The following SMG1 variants were observed in gnomAD, a reference collection of about 807,000 sequenced individuals.
SMG1 encodes the protein SMG1 nonsense mediated mRNA decay associated PI3K related kinase, also known as serine/threonine-protein kinase SMG1.
Under a neutral mutation model 419.9 loss-of-function variants are expected in SMG1, and 22 were observed. The observed-to-expected ratio is 0.05, with a 90% CI of 0.04 to 0.07. SMG1 has a LOEUF of 0.07. Among genes scored for constraint, SMG1 ranks in the 10% least tolerant of loss-of-function variants. The pLI is 1.00. For missense variants in SMG1, 3,185 were observed against 4,342.0 expected (o/e 0.73, Z 7.49); for synonymous variants, 1,538 against 1,553.5 (o/e 0.99, Z 0.23).
intron 1 of SMG1, among the ~76,000 whole-genome samples, chr16:18,905,260 CAAAACAA>C (rs1033151053): frequency 1.3e-5 from 2 of 151,996 alleles, no homozygotes; most frequent in Non-Finnish European, 2.9e-5. Flanking sequence ...GACTCTGACT[CAAAACAA>C]AAAACAAAAA....
chr16:18,916,446 G>A (rs975422659), intron 1 of SMG1, among the ~76,000 whole-genome samples: 1 of 150,166 alleles, frequency 6.7e-6, no homozygotes, highest in East Asian at 2.0e-4. Context: ...ACCCCGGGGG[G>A]TGGAGCCTGC....
chr16:18,812,314 A>C (rs1055879296), intron 60 of SMG1, 187 bp from the exon 61 acceptor site: 18 of 563,024 alleles, frequency 3.2e-5, no homozygotes, highest in Non-Finnish European at 4.2e-5. Context: ...ACATTCAGGT[A>C]TGAATTTGTA....
chr16:18,840,555 C>G (rs2033857295), intron 41 of SMG1, among the ~76,000 whole-genome samples: 2 of 152,078 alleles, frequency 1.3e-5, no homozygotes, highest in African/African-American at 4.8e-5. Flanking sequence ...TCTCAATATC[C>G]TAAGAGCTTA....
intron 6 of SMG1, among the ~76,000 whole-genome samples, chr16:18,888,991 T>A (rs1456423765): frequency 4.0e-5 from 6 of 151,354 alleles, no homozygotes; most frequent in Non-Finnish European, 7.4e-5. Context: ...CCTGGCTAAT[T>A]TTTTTTGTAT....
chr16:18,901,954 A>AGGGG (rs1276541363), intron 1 of SMG1, among the ~76,000 whole-genome samples: 1 of 21,534 alleles, frequency 4.6e-5, no homozygotes, highest in Non-Finnish European at 9.1e-5. Flanking sequence ...AAAAAAAAAA[A>AGGGG]GGGGGGGGTG....
Position 18,853,720 on chromosome 16 carries a change from T to A in SMG1, c.4631A>T (p.Lys1544Ile). 6.2e-7 allele frequency: 1 copy of A among 1,613,958 alleles called. No individual in the cohort carries two copies. The highest frequency in any genetic ancestry group is 8.5e-7 in the Non-Finnish European group (1 of 1,179,870). ...AEWKEISGQL[K>I]QVYRAQHQQN... ...TTGGTGCTGAGCTCTGTAAACCTGT[T>A]TCAGCTGTCCTGAAATCTCTTTCCA... Residue 1544 changes from lysine (K) to isoleucine (I), a missense_variant, in exon 31 of 63, where the codon AAA (lysine) becomes ATA (isoleucine). Coordinates refer to ENST00000446231, the MANE Select transcript of SMG1 (RefSeq NM_015092.5).
At chr16:18,849,104 A>C (rs35884544) in intron 36 of SMG1, 113 bp downstream of exon 36, 42,567 of 260,504 alleles carry the variant, frequency 0.16, 6,175 homozygotes, top group Non-Finnish European at 0.2. Flanking sequence ...AAAAAAAAAA[A>C]AACCCTACAA....
chr16:18,835,164 T>C lies in SMG1; in HGVS notation c.8058A>G (p.Lys2686=), dbSNP rs1241195547. ...GCTGGGGAGCATATTGCATTTCATA[T>C]CTATAAAAATAAGGAAGAGGTGCTT... The part of the protein sequence containing the change: ...TVERCQELYR[K]YEMQYAPQPP... Residue 2686 remains lysine (K), a splice_region_variant and synonymous_variant, in exon 49 of 63, where the codon AAA becomes AAG. Coordinates refer to ENST00000446231, the MANE Select transcript of SMG1 (RefSeq NM_015092.5). 1.2e-6 allele frequency: 2 copies of C among 1,601,056 alleles called. No homozygotes were observed. Among genetic ancestry groups the C allele is most frequent in the South Asian group, 1.1e-5 (1 of 90,544 alleles).
At position 18,816,299 on chromosome 16, in the gene SMG1, T is replaced by C. The variant is rs1481676138; in HGVS notation, c.10302+3A>G. The C allele has an allele frequency of 6.2e-7, 1 of 1,611,818 alleles. No individual in the cohort carries two copies. Among genetic ancestry groups the C allele is most frequent in the South Asian group, 1.1e-5 (1 of 90,934 alleles). On this transcript the variant is annotated splice_donor_region_variant and intron_variant, in intron 58 of 62. Coordinates refer to ENST00000446231, the MANE Select transcript of SMG1 (RefSeq NM_015092.5). The stretch of plus-strand genomic sequence containing the variant: ...AAATGTGTGTTCATGGTATTAGTCT[T>C]ACCTTAGCCATAGCTTTCAAGAGAT...
chr16:18,868,779 T>C, intron 20 of SMG1, 60 bp from the exon 21 acceptor site: 2 of 745,168 alleles, frequency 2.7e-6, no homozygotes, highest in Non-Finnish European at 4.3e-6. Context: ...AGAATAAGTG[T>C]GAGTTTTTTA....
chr16:18,817,023 C>T (rs770963602), intron 57 of SMG1, among the ~76,000 whole-genome samples: 1 of 148,378 alleles, frequency 6.7e-6, no homozygotes, highest in East Asian at 2.0e-4. Context: ...TCTTTCTCCT[C>T]CCTTCTAAAC....
chr16:18,861,022 C>T, intron 25 of SMG1: 1 of 389,298 alleles, frequency 2.6e-6, no homozygotes, highest in Non-Finnish European at 4.7e-6. Flanking sequence ...GTGGAGCTGA[C>T]TCGCCCCTGT....
At chr16:18,830,468 G>C (rs2033093943) in intron 51 of SMG1, 99 bp from the exon 52 acceptor site, 1 of 1,315,650 alleles carries the variant, frequency 7.6e-7, no homozygotes, top group African/African-American at 1.5e-5. Flanking sequence ...TGCTGTGAGA[G>C]TCTAGAAAGC....
chr16:18,895,905 T>C, intron 3 of SMG1, 147 bp downstream of exon 3: 1 of 779,216 alleles, frequency 1.3e-6, no homozygotes, highest in South Asian at 1.6e-5. Flanking sequence ...ACCTTTCTAG[T>C]GGGAAATGAA....
intron 27 of SMG1, 142 bp from the exon 28 acceptor site, chr16:18,859,323 A>G (rs2035087539): frequency 1.5e-6 from 1 of 652,584 alleles, no homozygotes; most frequent in Non-Finnish European, 2.6e-6. Context: ...TAATAAAATG[A>G]TATTAGCAAG....
intron 1 of SMG1, among the ~76,000 whole-genome samples, chr16:18,898,408 T>C (rs2037218669): frequency 1.3e-5 from 2 of 149,302 alleles, no homozygotes; most frequent in South Asian, 2.2e-4. Context: ...ATCTATGGAA[T>C]TTCAAGAAAA....
rs2031168274 is a variant in SMG1, at chr16:18,809,504, G to C, written c.*65C>G. On this transcript the variant is annotated 3_prime_UTR_variant, in exon 63 of 63. Coordinates refer to ENST00000446231, the MANE Select transcript of SMG1 (RefSeq NM_015092.5). ...GACTGTGGTGTGGCTTTGGATGCCT[G>C]AGGCTGAGTTGATTCTGGTGGATGT... The C allele has an allele frequency of 7.8e-7, 1 of 1,283,154 alleles. No homozygotes were observed. The highest frequency in any genetic ancestry group is 1.5e-5 in the African/African-American group (1 of 68,458). 79.5% of individuals were successfully genotyped at this position (1,283,154 alleles called of 1,614,324 possible).
chr16:18,819,636 C>G lies in SMG1; in HGVS notation c.9760G>C (p.Glu3254Gln), dbSNP rs752001043. 6.3e-7 allele frequency: 1 copy of G among 1,578,168 alleles called. No individual in the cohort carries two copies. The highest frequency in any genetic ancestry group is 8.6e-7 in the Non-Finnish European group (1 of 1,161,740). The change falls in exon 56 of 63, where the codon GAA becomes CAA. Residue 3254 changes from glutamate to glutamine, a missense_variant. Coordinates refer to ENST00000446231, the MANE Select transcript of SMG1 (RefSeq NM_015092.5). The part of the protein sequence containing the change: ...ATVQEKLAAL[E>Q]SSIEQRLKWA... ...TTGAGTCGCTGTTCAATACTTGATT[C>G]AAGTGCAGCTAGCTTCTCCTATAAA...
At position 18,834,872 on chromosome 16, in the gene SMG1, T is replaced by C; in HGVS notation, c.8330+20A>G. On this transcript the variant is annotated intron_variant, in intron 49 of 62. Transcript: ENST00000446231. ...AAATAAGACACAGGAAATGGTCCAATATGAAGTTGGCTAACTTACCTTGTA... is the reference window on the plus strand; with the variant it reads ...AAATAAGACACAGGAAATGGTCCAACATGAAGTTGGCTAACTTACCTTGTA... 1 of 1,607,526 alleles carries C rather than the reference T, an allele frequency of 6.2e-7. No individual in the cohort carries two copies. Among genetic ancestry groups the C allele is most frequent in the Non-Finnish European group, 8.5e-7 (1 of 1,175,228 alleles).
Sources: allele counts gnomAD v4.1 joint callset (sites outside exome capture counted in the v4.1 genomes callset), GRCh38; gene constraint gnomAD v4.1.1; transcripts MANE v1.5; gene names NCBI Gene and HGNC (gene_info 2026-07-23, HGNC 2026-07-21).